Variants in SASH1 observed in about 807,000 individuals in gnomAD.
SASH1 encodes SAM and SH3 domain containing 1.
In SASH1, 44 loss-of-function variants were observed where a neutral mutation model predicts 125.2. That is an observed-to-expected ratio of 0.35 (90% CI 0.28 to 0.45). The LOEUF (loss-of-function observed/expected upper bound fraction) is 0.45, where lower values mean the gene tolerates loss of function less well. SASH1 is among the 20% of genes least tolerant of loss of function. The probability of loss-of-function intolerance (pLI) is 1.00; values close to 1 mark genes in which losing one functional copy is unlikely to be tolerated. For missense variants in SASH1, 1,426 were observed against 1,614.5 expected (o/e 0.88, Z 2.00); for synonymous variants, 639 against 649.1 (o/e 0.98, Z 0.24).
intron 1 of SASH1, among the ~76,000 whole-genome samples, chr6:148,316,913 C>G (rs1477968926): frequency 6.6e-6 from 1 of 152,132 alleles, no homozygotes; most frequent in Non-Finnish European, 1.5e-5. Flanking sequence ...CATATATGAG[C>G]TACTGAAATA....
At chr6:148,542,273 A>G (rs1229250852) in intron 17 of SASH1, among the ~76,000 whole-genome samples, 2 of 152,228 alleles carry the variant, frequency 1.3e-5, no homozygotes, top group Non-Finnish European at 2.9e-5. Context: ...AAAGAAAGTC[A>G]TATTTCTAAA....
intron 5 of SASH1, among the ~76,000 whole-genome samples, chr6:148,470,046 GAAAAAGAAAGAAAAGA>G (rs1778027330): frequency 6.7e-6 from 1 of 150,252 alleles, no homozygotes; most frequent in Non-Finnish European, 1.5e-5. Context: ...AAAAAAGAAA[GAAAAAGAAAGAAAAGA>G]AAAAAGAAAG....
At chr6:148,466,816 C>CT (rs1777857819) in intron 4 of SASH1, among the ~76,000 whole-genome samples, 1 of 151,812 alleles carries the variant, frequency 6.6e-6, no homozygotes, top group Non-Finnish European at 1.5e-5. Flanking sequence ...AGCCTTTGCT[C>CT]TAATTTTTTC....
At chr6:148,343,302 C>T (rs1455259695) in intron 1 of SASH1, 79 bp downstream of exon 1, 2 of 1,425,438 alleles carry the variant, frequency 1.4e-6, no homozygotes, top group Non-Finnish European at 1.9e-6. Context: ...CCCTTCTCGC[C>T]CACCCACTGG....
In SASH1 at chr6:148,342,948, G is replaced by A; in HGVS notation, c.-120G>A. 1 of 907,024 alleles carries A rather than the reference G, an allele frequency of 1.1e-6. No homozygotes were observed. Among genetic ancestry groups the A allele is most frequent in the Non-Finnish European group, 1.3e-6 (1 of 758,334 alleles). The allele number at this position is 907,024 out of a possible 1,614,324, so 56.2% of individuals were successfully genotyped here. ...GGCCGGGGCCGCCGGGGCATGCAGCGCGGGGGCGCGGCTCGGTGACGCCGC... is the reference window on the plus strand; with the variant it reads ...GGCCGGGGCCGCCGGGGCATGCAGCACGGGGGCGCGGCTCGGTGACGCCGC... On this transcript the variant is annotated 5_prime_UTR_variant, in exon 1 of 20. Coordinates refer to ENST00000367467, the MANE Select transcript of SASH1 (RefSeq NM_015278.5).
At chr6:148,277,018 T>C (rs1407798349) in intron 1 of SASH1, among the ~76,000 whole-genome samples, 1 of 152,204 alleles carries the variant, frequency 6.6e-6, no homozygotes, top group African/African-American at 2.4e-5. Flanking sequence ...ACATATTAAC[T>C]CATTTAATCC....
At chr6:148,407,220 A>G (rs1434248650) in intron 2 of SASH1, among the ~76,000 whole-genome samples, 2 of 152,176 alleles carry the variant, frequency 1.3e-5, no homozygotes, top group South Asian at 2.1e-4. Context: ...CCCTGTGCCT[A>G]TTAAACAACT....
chr6:148,242,101 A>T, the SASH1 span, among the ~76,000 whole-genome samples: 1 of 152,214 alleles, frequency 6.6e-6, no homozygotes, highest in Non-Finnish European at 1.5e-5. Flanking sequence ...ACATCGTAAG[A>T]TAATGTAGGA....
At chr6:148,272,363 G>C (rs960445229) in exon 1 of SASH1, 27 of 470,690 alleles carry the variant, frequency 5.7e-5, no homozygotes, top group African/African-American at 5.0e-4. Flanking sequence ...CTTCATGGAG[G>C]AACAAGATTG....
At chr6:148,205,248 T>C in the SASH1 span, among the ~76,000 whole-genome samples, 1 of 152,100 alleles carries the variant, frequency 6.6e-6, no homozygotes, top group Admixed American at 6.5e-5. Context: ...CTTTAACCAC[T>C]CTCCTTCGAC....
rs1383764718 is a variant in SASH1, at chr6:148,544,734, C to T, written c.3264C>T (p.Ala1088=). The change falls in exon 18 of 20, where the codon GCC becomes GCT. Residue 1088 remains alanine, a synonymous_variant. Coordinates refer to ENST00000367467, the MANE Select transcript of SASH1 (RefSeq NM_015278.5). The surrounding 1 kb of genome is among the most constrained non-coding windows in gnomAD (Gnocchi z 6.4). The part of the protein sequence containing the change: ...GPALTRKVSC[A]RGVDLETLTE... ...CTTTGACCAGGAAGGTCTCCTGTGCCCGGGGAGTGGATCTAGAAACGCTCA... is the reference window on the plus strand; with the variant it reads ...CTTTGACCAGGAAGGTCTCCTGTGCTCGGGGAGTGGATCTAGAAACGCTCA... 1.9e-6 allele frequency: 3 copies of T among 1,608,744 alleles called. No individual in the cohort carries two copies. The highest frequency in any genetic ancestry group is 2.5e-6 in the Non-Finnish European group (3 of 1,177,438).
At chr6:148,291,014 T>G (rs1779619724) in intron 1 of SASH1, among the ~76,000 whole-genome samples, 1 of 137,842 alleles carries the variant, frequency 7.3e-6, no homozygotes, top group Non-Finnish European at 1.6e-5. Flanking sequence ...TTTTTTTTTC[T>G]GTATGAGAAA....
At chr6:148,311,408 C>T (rs1014112969) in intron 1 of SASH1, among the ~76,000 whole-genome samples, 6 of 152,138 alleles carry the variant, frequency 3.9e-5, no homozygotes, top group Non-Finnish European at 2.9e-5. Flanking sequence ...CCTGCCACCA[C>T]ACCTAAATTT....
At chr6:148,447,537 C>T (rs1040962247) in intron 4 of SASH1, among the ~76,000 whole-genome samples, 8 of 152,174 alleles carry the variant, frequency 5.3e-5, no homozygotes, top group Non-Finnish European at 8.8e-5. Flanking sequence ...ATGCCTGTTG[C>T]AGTCCCTCCA....
intron 8 of SASH1, among the ~76,000 whole-genome samples, chr6:148,500,802 G>T (rs1333125809): frequency 6.6e-6 from 1 of 151,898 alleles, no homozygotes; most frequent in Non-Finnish European, 1.5e-5. Flanking sequence ...TTGTTTGTTT[G>T]TTTTTTCTTC....
intron 7 of SASH1, among the ~76,000 whole-genome samples, chr6:148,477,935 G>T (rs1247406787): frequency 6.6e-6 from 1 of 152,074 alleles, no homozygotes; most frequent in East Asian, 1.9e-4. Flanking sequence ...GACCTCAGGT[G>T]ATCCACCCGC....
chr6:148,457,922 G>A (rs544048233), intron 4 of SASH1, among the ~76,000 whole-genome samples: 18 of 152,252 alleles, frequency 1.2e-4, no homozygotes, highest in African/African-American at 2.4e-4. Context: ...ACTCACTATC[G>A]CGAGAACAGC....
At chr6:148,374,535 C>A (rs192507447) in intron 1 of SASH1, among the ~76,000 whole-genome samples, 1 of 152,298 alleles carries the variant, frequency 6.6e-6, no homozygotes, top group East Asian at 1.9e-4. Flanking sequence ...GAATTCGTTG[C>A]AGCTTTTTTA....
At chr6:148,452,970 C>CGT (rs1777177553) in intron 4 of SASH1, among the ~76,000 whole-genome samples, 1 of 152,254 alleles carries the variant, frequency 6.6e-6, no homozygotes, top group African/African-American at 2.4e-5. Context: ...TGCGTCCACA[C>CGT]GTGTGTGTGC....
Sources: allele counts gnomAD v4.1 joint callset (sites outside exome capture counted in the v4.1 genomes callset), GRCh38; gene constraint gnomAD v4.1.1; non-coding constraint Gnocchi (gnomAD v3.1); transcripts MANE v1.5; gene names NCBI Gene and HGNC (gene_info 2026-07-23, HGNC 2026-07-21).